The following ANKMY1 variants were observed in gnomAD, a reference collection of about 807,000 sequenced individuals.
ANKMY1 encodes the protein ankyrin repeat and MYND domain-containing protein 1.
ANKMY1 carries 98 observed loss-of-function variants against 102.0 expected under a neutral mutation model. The observed-to-expected ratio is 0.96, with a 90% CI of 0.82 to 1.14. The LOEUF is 1.14. Among genes scored for constraint, ANKMY1 ranks in the 50% most tolerant of loss-of-function variants. ANKMY1 has a pLI of 0.00. For missense variants in ANKMY1, 1,330 were observed against 1,347.6 expected, an observed-to-expected ratio of 0.99 and a Z score of 0.20; for synonymous variants, 582 against 559.9, an observed-to-expected ratio of 1.04 and a Z score of -0.56.
chr2:240,541,629 A>C (rs1475949802), intron 4 of ANKMY1, among the ~76,000 whole-genome samples: 1 of 151,364 alleles, frequency 6.6e-6, no homozygotes, highest in Non-Finnish European at 1.5e-5. Context: ...CAGCCTCCAG[A>C]GTAGCTGGGA....
intron 2 of ANKMY1, among the ~76,000 whole-genome samples, chr2:240,556,100 T>C (rs1190361057): frequency 6.6e-6 from 1 of 152,154 alleles, no homozygotes; most frequent in East Asian, 1.9e-4. Flanking sequence ...TGGGCTCTTC[T>C]GCTTCTCATA....
chr2:240,496,576 G>C (rs11692901), intron 15 of ANKMY1, among the ~76,000 whole-genome samples: 19,019 of 152,130 alleles, frequency 0.13, 1,361 homozygotes, highest in Non-Finnish European at 0.16. Context: ...TTAATGACCA[G>C]CTGGGTTAAT....
At chr2:240,508,335 G>T (rs779833700) in intron 12 of ANKMY1, among the ~76,000 whole-genome samples, 17 of 152,258 alleles carry the variant, frequency 1.1e-4, no homozygotes, top group Non-Finnish European at 2.9e-5. Context: ...CCTGAGCAGG[G>T]GCCCCACATG....
intron 9 of ANKMY1, among the ~76,000 whole-genome samples, chr2:240,516,433 G>A (rs772149874): frequency 7.9e-5 from 12 of 152,114 alleles, no homozygotes; most frequent in Non-Finnish European, 1.6e-4. Flanking sequence ...ACCTTCTCTA[G>A]GTTATATGTA....
rs963521407 is a variant in ANKMY1, at chr2:240,526,518, C to T, written c.954-73G>A. On this transcript the variant is annotated intron_variant, in intron 5 of 17. Coordinates refer to ENST00000401804, the MANE Select transcript of ANKMY1 (RefSeq NM_001282771.3). ...CCCACGAGAAAGGGTCCAGCTGGACCACCTCCCTCCAATGCCTCTCCCTCT... is the reference window on the plus strand; with the variant it reads ...CCCACGAGAAAGGGTCCAGCTGGACTACCTCCCTCCAATGCCTCTCCCTCT... 8 of 1,586,946 alleles carry T rather than the reference C, an allele frequency of 5.0e-6. No individual in the cohort carries two copies. In the African/African-American group the frequency reaches 1.1e-4, roughly 21 times the overall value.
At position 240,524,262 on chromosome 2, in the gene ANKMY1, C is replaced by T. The variant is rs756921002; in HGVS notation, c.1455G>A (p.Pro485=). The T allele has an allele frequency of 1.3e-5, 21 of 1,613,712 alleles. No individual in the cohort carries two copies. The highest frequency in any genetic ancestry group is 5.0e-5 in the Admixed American group (3 of 60,002). The part of the protein sequence containing the change: ...PSQGSYELRP[P]PAPLLLPRVS... ...CGCGTGGCAGGAGCAGTGGTGCTGGCGGTGGCCTCAGCTCATAGCTACCCT... is the reference window on the plus strand; with the variant it reads ...CGCGTGGCAGGAGCAGTGGTGCTGGTGGTGGCCTCAGCTCATAGCTACCCT... Residue 485 remains proline (P), a synonymous_variant, in exon 8 of 18, where the codon CCG becomes CCA. Coordinates refer to ENST00000401804, the MANE Select transcript of ANKMY1 (RefSeq NM_001282771.3).
intron 4 of ANKMY1, among the ~76,000 whole-genome samples, chr2:240,549,574 G>C (rs1340582423): frequency 7.9e-5 from 12 of 152,074 alleles, no homozygotes; most frequent in Non-Finnish European, 1.5e-5. Context: ...AGAGTAAACA[G>C]GCAACCTACA....
Position 240,506,898 on chromosome 2 carries a change from T to C in ANKMY1, c.2526+662A>G, listed in dbSNP as rs1444417737. Among the ~76,000 whole-genome samples the C allele has an allele frequency of 3.3e-5, 5 of 151,930 alleles. No individual in the cohort carries two copies. The East Asian group carries it at 9.7e-4, about 30-fold the overall frequency. The stretch of plus-strand genomic sequence containing the variant: ...CGTGCCTAGGGCTCAGGACAGAAGG[T>C]GTCTCCAGCGCGGGCAGGATTTCCC... On this transcript the variant is annotated intron_variant, in intron 13 of 17. Transcript: ENST00000401804. This position sits in a 1 kb window ranked among gnomAD's most constrained non-coding sequence, Gnocchi z 4.9.
At chr2:240,496,377 T>C (rs1374804637) in intron 15 of ANKMY1, among the ~76,000 whole-genome samples, 3 of 151,642 alleles carry the variant, frequency 2.0e-5, no homozygotes, top group African/African-American at 4.8e-5. Context: ...GATAGATAGA[T>C]AGATAGATAG....
chr2:240,473,140 C>CA, the ANKMY1 span, among the ~76,000 whole-genome samples: 15 of 99,252 alleles, frequency 1.5e-4, no homozygotes, highest in Admixed American at 1.0e-4. Context: ...AAAAAAAAAA[C>CA]AAAAAAAACC....
At chr2:240,557,858 G>T in intron 1 of ANKMY1, 23 bp downstream of exon 1, 3 of 985,112 alleles carry the variant, frequency 3.0e-6, no homozygotes, top group Non-Finnish European at 3.6e-6. Context: ...CCGGCTCCCA[G>T]CGCTCCTGTC....
chr2:240,522,719 G>C (rs1380998792), intron 8 of ANKMY1: 1 of 152,200 alleles, frequency 6.6e-6, no homozygotes, highest in East Asian at 1.9e-4. Flanking sequence ...GGAAAAGCTG[G>C]CTCACCAATA....
chr2:240,471,956 G>C, the ANKMY1 span, among the ~76,000 whole-genome samples: 2 of 152,120 alleles, frequency 1.3e-5, no homozygotes, highest in Admixed American at 1.3e-4. Context: ...CCCCCTGAAG[G>C]CAGGCCCACC....
chr2:240,525,668 G>C lies in ANKMY1; in HGVS notation c.1335+17C>G. On this transcript the variant is annotated intron_variant, in intron 7 of 17. Transcript: ENST00000401804. ...ACAGGAGACAGTTGGTGGTGCAGTG[G>C]CCACCGGGGGGCTTACCTGGGGCTC... is the stretch of plus-strand genomic sequence containing the variant. 6.2e-7 allele frequency: 1 copy of C among 1,612,290 alleles called. No individual in the cohort carries two copies.
intron 6 of ANKMY1, 95 bp from the exon 7 acceptor site, chr2:240,525,944 T>C (rs68048482): frequency 0.34 from 487,554 of 1,435,202 alleles, 87,782 homozygotes; most frequent in Middle Eastern, 0.56. Context: ...GAGGCCACCC[T>C]ATGGCAGGGC....
At chr2:240,469,973 C>T in the ANKMY1 span, among the ~76,000 whole-genome samples, 1 of 152,220 alleles carries the variant, frequency 6.6e-6, no homozygotes, top group Non-Finnish European at 1.5e-5. Flanking sequence ...GGCCTATGCA[C>T]GTGCACACAT....
chr2:240,469,660 T>C, the ANKMY1 span, among the ~76,000 whole-genome samples: 2 of 81,174 alleles, frequency 2.5e-5, no homozygotes, highest in African/African-American at 1.1e-4. Context: ...CATGCACATG[T>C]GCACTCCACA....
the ANKMY1 span, among the ~76,000 whole-genome samples, chr2:240,470,070 A>C: frequency 6.6e-6 from 1 of 152,152 alleles, no homozygotes; most frequent in Admixed American, 6.5e-5. Flanking sequence ...AGACAGACAC[A>C]CCCGTGGGTG....
chr2:240,509,406 T>C lies in ANKMY1; in HGVS notation c.2336A>G (p.Asn779Ser). 1 of 1,613,582 alleles carries C rather than the reference T, an allele frequency of 6.2e-7. No individual in the cohort carries two copies. Among genetic ancestry groups the C allele is most frequent in the Non-Finnish European group, 8.5e-7 (1 of 1,179,812 alleles). ...CGGGGAGTGGCCACTCCACAGCAGG[T>C]TAGGATTTGCTCCGTGGGATAGAAG... ...RLLLSHGANP[N>S]LLWSGHSPLS... Residue 779 changes from asparagine to serine, a missense_variant, in exon 12 of 18, where the codon AAC becomes AGC. By Grantham distance (46) the Asn-to-Ser change is conservative. Transcript: ENST00000401804.
Sources: allele counts gnomAD v4.1 joint callset (sites outside exome capture counted in the v4.1 genomes callset), GRCh38; gene constraint gnomAD v4.1.1; non-coding constraint Gnocchi (gnomAD v3.1); transcripts MANE v1.5; gene names NCBI Gene and HGNC (gene_info 2026-07-23, HGNC 2026-07-21).